Variants in KDM3B observed in about 807,000 individuals in gnomAD.
The protein encoded by KDM3B is lysine demethylase 3B.
A neutral mutation model predicts 170.0 loss-of-function variants in KDM3B; 10 were observed. The observed-to-expected ratio is 0.06, with a 90% CI of 0.04 to 0.10. KDM3B has a LOEUF of 0.10. Among genes scored for constraint, KDM3B ranks in the 10% least tolerant of loss-of-function variants. The probability of loss-of-function intolerance (pLI) is 1.00; values close to 1 mark genes in which losing one functional copy is unlikely to be tolerated. For missense variants in KDM3B, 1,394 were observed against 2,195.2 expected, an observed-to-expected ratio of 0.64 and a Z score of 7.29; for synonymous variants, 831 against 834.8, an observed-to-expected ratio of 1.00 and a Z score of 0.08.
intron 1 of KDM3B, among the ~76,000 whole-genome samples, chr5:138,368,238 T>C (rs1761792214): frequency 6.7e-6 from 1 of 149,816 alleles, no homozygotes; most frequent in Admixed American, 6.6e-5. Context: ...TTTCTTTCTT[T>C]TTTTTTTTTT....
intron 4 of KDM3B, among the ~76,000 whole-genome samples, chr5:138,379,259 A>G (rs755182873): frequency 9.2e-5 from 14 of 152,178 alleles, no homozygotes; most frequent in Non-Finnish European, 1.3e-4. Flanking sequence ...ATACTACTGT[A>G]GTTTTTTATT....
At chr5:138,380,240 G>A (rs1375343825) in intron 5 of KDM3B, among the ~76,000 whole-genome samples, 1 of 151,556 alleles carries the variant, frequency 6.6e-6, no homozygotes, top group Non-Finnish European at 1.5e-5. Flanking sequence ...GCCCACCTCA[G>A]CCTCCCAAAG....
intron 13 of KDM3B, 53 bp from the exon 14 acceptor site, chr5:138,418,900 T>C: frequency 1.9e-6 from 3 of 1,567,298 alleles, no homozygotes; most frequent in Non-Finnish European, 2.6e-6. Context: ...ACTAGTTGTA[T>C]TTTTTTCTAC....
At position 138,362,987 on chromosome 5, in the gene KDM3B, C is replaced by T. The variant is rs972353846; in HGVS notation, c.193-9687C>T. On this transcript the variant is annotated intron_variant, in intron 1 of 23. Coordinates refer to ENST00000314358, the MANE Select transcript of KDM3B (RefSeq NM_016604.4). ...GAAATATAAGAAAACTTCTCAGTCT[C>T]ACTGGGTTCTGGGTATTTACTTTTC... is the stretch of plus-strand genomic sequence containing the variant. 5.3e-5 allele frequency among the ~76,000 whole-genome samples: 8 copies of T among 151,610 alleles called. 1 individual carries two copies. Among genetic ancestry groups the T allele is most frequent in the Non-Finnish European group, 5.9e-5 (4 of 67,948 alleles).
At chr5:138,431,938 T>C (rs989224278) in intron 23 of KDM3B, among the ~76,000 whole-genome samples, 2 of 151,794 alleles carry the variant, frequency 1.3e-5, no homozygotes, top group Non-Finnish European at 2.9e-5. Flanking sequence ...AAAAACAGTT[T>C]TTCTTCTTTT....
chr5:138,374,412 C>A (rs1761945941), intron 2 of KDM3B: 1 of 315,772 alleles, frequency 3.2e-6, no homozygotes, highest in Non-Finnish European at 6.4e-6. Flanking sequence ...GCGCCCACCA[C>A]CACTCCCGGC....
intron 13 of KDM3B, chr5:138,417,888 G>C (rs1408966231): frequency 1.7e-5 from 5 of 288,732 alleles, no homozygotes; most frequent in Non-Finnish European, 3.3e-5. Flanking sequence ...CAGGGTCTTT[G>C]TATGGGTAAA....
Position 138,379,678 on chromosome 5 carries a change from C to T in KDM3B, c.675C>T (p.Ile225=), listed in dbSNP as rs55729115. Residue 225 remains isoleucine (I), a synonymous_variant, in exon 5 of 24, where the codon ATC becomes ATT. Coordinates refer to ENST00000314358, the MANE Select transcript of KDM3B (RefSeq NM_016604.4). ...LYGVVSHQDS[I]TRLMEVSVTE... ...GTGTTGTGAGCCATCAGGACTCCAT[C>T]ACTCGTCTTATGGAGGTGTCTGTAA... 1.1e-4 allele frequency: 176 copies of T among 1,613,352 alleles called. No individual in the cohort carries two copies. Among genetic ancestry groups the T allele is most frequent in the Non-Finnish European group, 1.5e-4 (173 of 1,179,658 alleles).
At chr5:138,388,789 G>C (rs1256451379) in intron 7 of KDM3B, among the ~76,000 whole-genome samples, 1 of 152,188 alleles carries the variant, frequency 6.6e-6, no homozygotes, top group African/African-American at 2.4e-5. Context: ...TCCAGCTTGG[G>C]TGACAGAGCG....
At chr5:138,379,825 C>G (rs1451798148) in intron 5 of KDM3B, 117 bp downstream of exon 5, 1 of 948,534 alleles carries the variant, frequency 1.1e-6, no homozygotes, top group South Asian at 2.1e-5. Flanking sequence ...GGCTCTATTA[C>G]TTAATAGTTG....
chr5:138,377,121 G>A lies in KDM3B; in HGVS notation c.475-599G>A, dbSNP rs188774618. Among the ~76,000 whole-genome samples, 34 of 152,276 alleles carry A rather than the reference G, an allele frequency of 2.2e-4. No individual in the cohort carries two copies. The East Asian group carries it at 4.4e-3, about 20-fold the overall frequency. ...CTTTGTTGATATGTCTTCCTCGCTC[G>A]TTAGGCCTCATTCCCTCTCAGCAAC... On this transcript the variant is annotated intron_variant, in intron 3 of 23. Coordinates refer to ENST00000314358, the MANE Select transcript of KDM3B (RefSeq NM_016604.4).
At chr5:138,426,735 A>G (rs987555502) in intron 17 of KDM3B, 11 of 414,706 alleles carry the variant, frequency 2.7e-5, no homozygotes, top group African/African-American at 1.8e-4. Flanking sequence ...TACTAAAAAT[A>G]CAAAAATTAG....
chr5:138,432,657 A>G (rs1763563946), intron 23 of KDM3B, among the ~76,000 whole-genome samples: 1 of 152,120 alleles, frequency 6.6e-6, no homozygotes, highest in Non-Finnish European at 1.5e-5. Flanking sequence ...CGACAGAGCG[A>G]GACACCGTCT....
At chr5:138,418,709 G>C (rs968411640) in intron 13 of KDM3B, among the ~76,000 whole-genome samples, 1 of 152,150 alleles carries the variant, frequency 6.6e-6, no homozygotes, top group African/African-American at 2.4e-5. Context: ...ATTGTGTCAG[G>C]CATGCTAACT....
chr5:138,402,961 G>C (rs1762727599), intron 11 of KDM3B, among the ~76,000 whole-genome samples: 3 of 152,212 alleles, frequency 2.0e-5, no homozygotes, highest in South Asian at 4.1e-4. Flanking sequence ...ATAGTAATCT[G>C]TGCATGAATG....
At chr5:138,357,019 TTTTG>T (rs1320762677) in intron 1 of KDM3B, among the ~76,000 whole-genome samples, 1 of 151,738 alleles carries the variant, frequency 6.6e-6, no homozygotes, top group African/African-American at 2.4e-5. Flanking sequence ...TCGGGCCTCT[TTTTG>T]TTTGTTTTGT....
intron 16 of KDM3B, among the ~76,000 whole-genome samples, 184 bp downstream of exon 16, chr5:138,424,525 C>T (rs1276830385): frequency 1.3e-5 from 2 of 152,146 alleles, no homozygotes; most frequent in East Asian, 1.9e-4. Context: ...CTATAGCTCA[C>T]GCCTGTAATC....
chr5:138,406,469 C>A (rs1305196311), intron 11 of KDM3B, among the ~76,000 whole-genome samples: 1 of 152,054 alleles, frequency 6.6e-6, no homozygotes, highest in African/African-American at 2.4e-5. Flanking sequence ...CACGGTGAAA[C>A]CCTGTCTCTA....
chr5:138,371,095 C>T (rs1671954510), intron 1 of KDM3B, among the ~76,000 whole-genome samples: 4 of 152,122 alleles, frequency 2.6e-5, no homozygotes, highest in Admixed American at 2.0e-4. Context: ...GCATGAGCCC[C>T]CGTGCCTGGC....
Sources: allele counts gnomAD v4.1 joint callset (sites outside exome capture counted in the v4.1 genomes callset), GRCh38; gene constraint gnomAD v4.1.1; transcripts MANE v1.5; gene names NCBI Gene and HGNC (gene_info 2026-07-23, HGNC 2026-07-21).